SGIP1: variants seen among roughly 807,000 people sequenced by gnomAD.
SGIP1 encodes the protein SH3GL interacting endocytic adaptor 1, also known as SH3-containing GRB2-like protein 3-interacting protein 1.
Under a neutral mutation model 107.5 loss-of-function variants are expected in SGIP1, and 38 were observed. The ratio of observed to expected loss-of-function variants is 0.35; its 90% CI spans 0.27 to 0.46. SGIP1 has a LOEUF of 0.46. Among genes scored for constraint, SGIP1 ranks in the 20% least tolerant of loss-of-function variants. The probability of loss-of-function intolerance (pLI) is 1.00; values close to 1 mark genes in which losing one functional copy is unlikely to be tolerated. For synonymous variants in SGIP1, 365 were observed against 366.1 expected, an observed-to-expected ratio of 1.00 and a Z score of 0.03; for missense variants, 929 against 1,019.5, an observed-to-expected ratio of 0.91 and a Z score of 1.21.
rs1172752712 is a variant in SGIP1 at position 66,673,328 on chromosome 1, C to T, written c.608C>T (p.Pro203Leu). ...ACGGCCCTTGCTCCTCTCTTTGGCC[C>T]ACCACTAGAATCAGCTTTTGATGAA... ...DTTALAPLFG[P>L]PLESAFDEQK... is the part of the protein sequence containing the mutation. The change falls in exon 12 of 25, where the codon CCA (proline) becomes CTA (leucine). Residue 203 changes from proline to leucine, a missense_variant. Coordinates refer to ENST00000371037, the MANE Select transcript of SGIP1 (RefSeq NM_032291.4). The T allele has an allele frequency of 5.0e-6, 8 of 1,613,320 alleles. No individual in the cohort carries two copies.
intron 1 of SGIP1, among the ~76,000 whole-genome samples, chr1:66,567,296 A>G (rs558072169): frequency 1.3e-5 from 2 of 152,198 alleles, no homozygotes; most frequent in African/African-American, 4.8e-5. Context: ...TTGGCTGCAT[A>G]AATGTCTTCT....
intron 1 of SGIP1, among the ~76,000 whole-genome samples, chr1:66,624,958 C>T (rs1356426729): frequency 6.6e-6 from 1 of 152,122 alleles, no homozygotes; most frequent in African/African-American, 2.4e-5. Context: ...TTAGCCAGTG[C>T]TGCTTGAATG....
rs775060500 is a variant in SGIP1 at position 66,739,535 on chromosome 1, C to G, written c.2232C>G (p.Val744=). The G allele has an allele frequency of 6.2e-7, 1 of 1,613,596 alleles. No homozygotes were observed. The highest frequency in any genetic ancestry group is 8.5e-7 in the Non-Finnish European group (1 of 1,180,020). The change falls in exon 22 of 25, where the codon GTC becomes GTG. Residue 744 remains valine (V), a splice_region_variant and synonymous_variant. Transcript: ENST00000371037. ...TKLQAVLPPA[V]WNAEQQRILW... is the part of the protein sequence containing the mutation. ...TCCAGGCAGTGCTCCCACCAGCAGT[C>G]TGGTATGAAGCCTCCTATTCTCTCC...
chr1:66,681,762 T>C (rs1258886694), intron 14 of SGIP1, 107 bp from the exon 15 acceptor site: 8 of 1,168,976 alleles, frequency 6.8e-6, no homozygotes, highest in Non-Finnish European at 8.5e-6. Context: ...GTATGCCCAC[T>C]GAGGCACCTC....
At chr1:66,718,410 TG>T (rs11290472) in intron 18 of SGIP1, among the ~76,000 whole-genome samples, 64,550 of 151,944 alleles carry the variant, frequency 0.42, 14,803 homozygotes, top group African/African-American at 0.53. Context: ...GTACACTGCA[TG>T]GGTATAGTGG....
intron 7 of SGIP1, among the ~76,000 whole-genome samples, chr1:66,652,600 T>G (rs138769864): frequency 8.5e-5 from 13 of 152,266 alleles, no homozygotes; most frequent in African/African-American, 3.1e-4. Context: ...CAGTCTGGTG[T>G]TGTTTGCCTG....
chr1:66,565,828 G>A (rs1036554835), intron 1 of SGIP1, among the ~76,000 whole-genome samples: 3 of 151,892 alleles, frequency 2.0e-5, no homozygotes, highest in African/African-American at 7.2e-5. Context: ...AATTGCCTTC[G>A]CTCTTGTAGA....
At position 66,729,270 on chromosome 1, in the gene SGIP1, C is replaced by G. The variant is rs375102916; in HGVS notation, c.1749C>G (p.Ile583Met). The change falls in exon 20 of 25, where the codon ATC becomes ATG. Residue 583 changes from isoleucine (I) to methionine (M), a missense_variant. Physicochemically the swap from Ile to Met is conservative, Grantham distance 10. This residue lies in a region of SGIP1 where 341 missense variants were observed against 430.9 expected (regional missense o/e 0.79). Coordinates refer to ENST00000371037, the MANE Select transcript of SGIP1 (RefSeq NM_032291.4). ...YFKGADPSKCIVKITGEMVLS... is the reference protein window; with the variant it reads ...YFKGADPSKCMVKITGEMVLS... ...CTGTGTTTTGATATGCCAGATGTAT[C>G]GTTAAGATTACCGGAGAAATGGTGT... The G allele has an allele frequency of 1.2e-6, 2 of 1,613,880 alleles. No individual in the cohort carries two copies. The highest frequency in any genetic ancestry group is 2.2e-5 in the South Asian group (2 of 91,058).
chr1:66,558,822 C>T (rs1360098461), intron 1 of SGIP1, among the ~76,000 whole-genome samples: 5 of 150,942 alleles, frequency 3.3e-5, no homozygotes, highest in African/African-American at 1.2e-4. Context: ...CCTTCTACAG[C>T]ATCCATTTTA....
intron 11 of SGIP1, 136 bp downstream of exon 11, chr1:66,672,131 C>T (rs2083971283): frequency 1.3e-6 from 1 of 747,108 alleles, no homozygotes; most frequent in South Asian, 1.7e-5. Context: ...CATATGTCCA[C>T]AGCATGGTCC....
At chr1:66,690,742 A>G (rs552566968) in intron 17 of SGIP1, among the ~76,000 whole-genome samples, 37 of 152,340 alleles carry the variant, frequency 2.4e-4, no homozygotes, top group African/African-American at 8.9e-4. Flanking sequence ...TCATTTCTTC[A>G]TCATTTTTGG....
At chr1:66,603,660 G>A (rs532115239) in intron 1 of SGIP1, among the ~76,000 whole-genome samples, 3 of 152,216 alleles carry the variant, frequency 2.0e-5, no homozygotes, top group African/African-American at 7.2e-5. Context: ...AGGGTAGAAA[G>A]CCTAATTTTT....
intron 7 of SGIP1, among the ~76,000 whole-genome samples, chr1:66,651,285 C>T (rs1272200022): frequency 6.6e-6 from 1 of 152,106 alleles, no homozygotes; most frequent in Admixed American, 6.5e-5. Flanking sequence ...CATTCATGCT[C>T]CCAACAACCT....
chr1:66,719,372 T>G lies in SGIP1; in HGVS notation c.1709T>G (p.Val570Gly). ...LPVAAAFTETVNAYFKGADPS... is the reference protein window; with the variant it reads ...LPVAAAFTETGNAYFKGADPS... ...GTTGCAGCAGCATTTACAGAAACAG[T>G]CAATGCCTATTTCAAAGGAGCAGAC... The change falls in exon 19 of 25, where the codon GTC becomes GGC. Residue 570 changes from valine to glycine, a missense_variant. This residue lies in a region of SGIP1 where 341 missense variants were observed against 430.9 expected (regional missense o/e 0.79). Coordinates refer to ENST00000371037, the MANE Select transcript of SGIP1 (RefSeq NM_032291.4). The G allele has an allele frequency of 6.2e-7, 1 of 1,613,474 alleles. No individual in the cohort carries two copies. The highest frequency in any genetic ancestry group is 8.5e-7 in the Non-Finnish European group (1 of 1,179,670).
chr1:66,695,604 A>G (rs2090754953), intron 18 of SGIP1, 111 bp downstream of exon 18: 2 of 989,384 alleles, frequency 2.0e-6, no homozygotes, highest in South Asian at 1.8e-5. Context: ...CTCACTTTCT[A>G]TATGAAAATG....
intron 18 of SGIP1, among the ~76,000 whole-genome samples, chr1:66,703,731 T>C (rs1202898423): frequency 6.6e-6 from 1 of 151,190 alleles, no homozygotes; most frequent in Non-Finnish European, 1.5e-5. Flanking sequence ...TATATGATCA[T>C]AACCTACAGT....
At chr1:66,671,097 CA>C (rs2083677051) in intron 10 of SGIP1, 78 bp downstream of exon 10, 1 of 687,198 alleles carries the variant, frequency 1.5e-6, no homozygotes, top group Non-Finnish European at 2.3e-6. Context: ...AGTATATGTA[CA>C]TATGAATTAT....
At chr1:66,613,231 G>GA (rs1426001016) in intron 1 of SGIP1, among the ~76,000 whole-genome samples, 2 of 152,054 alleles carry the variant, frequency 1.3e-5, no homozygotes, top group Non-Finnish European at 2.9e-5. Flanking sequence ...TGCTGATAGG[G>GA]AAAAAAATCA....
intron 1 of SGIP1, among the ~76,000 whole-genome samples, chr1:66,574,820 A>G (rs771622186): frequency 6.6e-6 from 1 of 151,680 alleles, no homozygotes; most frequent in Non-Finnish European, 1.5e-5. Context: ...GCACATGTAT[A>G]TGTGTGTATA....
Sources: gnomAD v4.1 joint callset for allele counts (sites outside exome capture counted in the v4.1 genomes callset) on GRCh38, gnomAD v4.1.1 for gene constraint, gnomAD v4.1.1 regional missense constraint, MANE v1.5 for transcripts, NCBI Gene and HGNC (gene_info 2026-07-23, HGNC 2026-07-21) for gene names.